Variants in FGD5 observed in about 807,000 individuals in gnomAD.
FGD5 encodes the protein FYVE, RhoGEF and PH domain-containing protein 5.
In FGD5, 28 loss-of-function variants were observed where a neutral mutation model predicts 133.4. That is an observed-to-expected ratio of 0.21 (90% confidence interval 0.16 to 0.29). The LOEUF (loss-of-function observed/expected upper bound fraction) is 0.29, where lower values mean the gene tolerates loss of function less well. Among genes scored for constraint, FGD5 ranks in the 10% least tolerant of loss-of-function variants. The pLI is 1.00. For synonymous variants in FGD5, 810 were observed against 776.5 expected (o/e 1.04, Z -0.72); for missense variants, 1,858 against 1,895.2 (o/e 0.98, Z 0.36).
chr3:14,818,918 T>C (rs1361638595), upstream of FGD5: 2 of 1,430,272 alleles, frequency 1.4e-6, no homozygotes, highest in Non-Finnish European at 1.8e-6. Flanking sequence ...ATAAAGTTAA[T>C]TGTACTTTTT....
intron 4 of FGD5, 44 bp from the exon 5 acceptor site, chr3:14,897,465 T>A: frequency 1.9e-6 from 3 of 1,574,700 alleles, no homozygotes; most frequent in Non-Finnish European, 2.6e-6. Flanking sequence ...GGACTTGTGC[T>A]CAGTCCTATC....
At chr3:14,872,376 CTT>C (rs908103565) in intron 2 of FGD5, among the ~76,000 whole-genome samples, 15 of 152,120 alleles carry the variant, frequency 9.9e-5, no homozygotes, top group East Asian at 1.9e-4. Flanking sequence ...GGAGAAGAGA[CTT>C]TATTTCTTAT....
At chr3:14,839,403 G>A (rs1402673637) in intron 1 of FGD5, among the ~76,000 whole-genome samples, 2 of 152,174 alleles carry the variant, frequency 1.3e-5, no homozygotes, top group African/African-American at 4.8e-5. Flanking sequence ...AGGGTAGGGG[G>A]TGTCCCAGAA....
Position 14,921,995 on chromosome 3 carries a change from C to T in FGD5, c.3647C>T (p.Ala1216Val). Residue 1216 changes from alanine to valine, a missense_variant, in exon 14 of 20, where the codon GCT (alanine) becomes GTT (valine). Coordinates refer to ENST00000285046, the MANE Select transcript of FGD5 (RefSeq NM_152536.4). ...GAGGACTACAAGGCCCAGGCGCTGG[C>T]TGCATTCCACCATAGCGTGGAGGTG... Reference protein sequence around the residue: ...LPEDYKAQALAAFHHSVEIRE... With the variant: ...LPEDYKAQALVAFHHSVEIRE... 2 of 1,563,760 alleles carry T rather than the reference C, an allele frequency of 1.3e-6. No homozygotes were observed. Among genetic ancestry groups the T allele is most frequent in the Non-Finnish European group, 1.7e-6 (2 of 1,154,030 alleles).
chr3:14,897,112 A>G (rs1007713458), intron 4 of FGD5: 5 of 192,408 alleles, frequency 2.6e-5, no homozygotes, highest in South Asian at 1.2e-4. Context: ...TTTTGAAACA[A>G]CATAGCTCAT....
chr3:14,929,607 T>G (rs768029023), intron 18 of FGD5, among the ~76,000 whole-genome samples: 9 of 152,252 alleles, frequency 5.9e-5, no homozygotes, highest in Non-Finnish European at 1.0e-4. Context: ...ACTACTGATA[T>G]TAAGCACATG....
intron 1 of FGD5, among the ~76,000 whole-genome samples, chr3:14,823,750 A>G (rs1247147009): frequency 6.6e-6 from 1 of 152,248 alleles, no homozygotes; most frequent in Non-Finnish European, 1.5e-5. Context: ...TCACAAGAGC[A>G]AGTCCTTCAC....
intron 9 of FGD5, among the ~76,000 whole-genome samples, chr3:14,905,976 G>T (rs940176954): frequency 6.6e-6 from 1 of 152,074 alleles, no homozygotes; most frequent in Non-Finnish European, 1.5e-5. Flanking sequence ...GGGCAGTCGG[G>T]TCAGTCCAGT....
At chr3:14,880,447 C>T (rs188128802) in intron 2 of FGD5, 125 bp from the exon 3 acceptor site, 81 of 724,762 alleles carry the variant, frequency 1.1e-4, no homozygotes, top group Non-Finnish European at 1.5e-4. Context: ...TGTTGAAGAA[C>T]ATACAAGTAA....
chr3:14,892,638 T>G (rs998229261), intron 4 of FGD5, among the ~76,000 whole-genome samples: 8 of 152,074 alleles, frequency 5.3e-5, no homozygotes, highest in Non-Finnish European at 1.2e-4. Context: ...GCCAACATGG[T>G]GAAACTCTGT....
intron 7 of FGD5, 28 bp from the exon 8 acceptor site, chr3:14,900,375 T>C: frequency 6.2e-7 from 1 of 1,610,748 alleles, no homozygotes; most frequent in South Asian, 1.1e-5. Context: ...CACCAGTAGC[T>C]GACTCCTGGT....
rs566461718 is a variant in FGD5 at position 14,872,627 on chromosome 3, T to G, written c.2659-7945T>G. Among the ~76,000 whole-genome samples, 69 of 152,342 alleles carry G rather than the reference T, an allele frequency of 4.5e-4. 1 individual carries two copies. In the South Asian group the frequency reaches 7.3e-3, roughly 16 times the overall value. ...CACGTGTGATAAGCAAGCGTGCATG[T>G]TGCATGTGTCCCATGTTCACCTTGG... On this transcript the variant is annotated intron_variant, in intron 2 of 19. Transcript: ENST00000285046.
intron 18 of FGD5, chr3:14,930,842 A>G (rs2038889316): frequency 6.6e-6 from 1 of 151,912 alleles, no homozygotes; most frequent in Non-Finnish European, 1.5e-5. Flanking sequence ...TATATTTCTA[A>G]ATATTTTTTT....
At chr3:14,843,497 G>A (rs2036964682) in intron 1 of FGD5, among the ~76,000 whole-genome samples, 1 of 152,026 alleles carries the variant, frequency 6.6e-6, no homozygotes, top group Non-Finnish European at 1.5e-5. Flanking sequence ...TCTGCGGCAG[G>A]CGTTGCTTGC....
intron 1 of FGD5, among the ~76,000 whole-genome samples, chr3:14,854,788 A>G (rs1443864733): frequency 1.3e-5 from 2 of 152,222 alleles, no homozygotes; most frequent in African/African-American, 4.8e-5. Context: ...ATGTTTTGAT[A>G]TATGTAATTT....
At chr3:14,880,539 T>TG in intron 2 of FGD5, 33 bp from the exon 3 acceptor site, 1 of 1,610,208 alleles carries the variant, frequency 6.2e-7, no homozygotes, top group Non-Finnish European at 8.5e-7. Context: ...CACTGATGCC[T>TG]GTCCCACCTG....
chr3:14,850,393 G>A (rs1438758951), intron 1 of FGD5, among the ~76,000 whole-genome samples: 2 of 152,220 alleles, frequency 1.3e-5, no homozygotes, highest in African/African-American at 4.8e-5. Flanking sequence ...GGCCTGGTGA[G>A]GAAGGAAGCT....
intron 1 of FGD5, among the ~76,000 whole-genome samples, chr3:14,844,932 G>A (rs1297701325): frequency 2.0e-5 from 3 of 152,142 alleles, no homozygotes; most frequent in Non-Finnish European, 4.4e-5. Flanking sequence ...GTAGCCCATG[G>A]CTGGTGTCCC....
intron 9 of FGD5, among the ~76,000 whole-genome samples, chr3:14,905,631 G>A (rs915164178): frequency 4.6e-5 from 7 of 151,996 alleles, no homozygotes; most frequent in East Asian, 1.9e-4. Flanking sequence ...GGACGCTCAC[G>A]TATGGTTTCC....
Sources: gnomAD v4.1 joint callset for allele counts (sites outside exome capture counted in the v4.1 genomes callset) on GRCh38, gnomAD v4.1.1 for gene constraint, MANE v1.5 for transcripts, NCBI Gene and HGNC (gene_info 2026-07-23, HGNC 2026-07-21) for gene names.